DOCK5: variants seen among roughly 807,000 people sequenced by gnomAD.
DOCK5 encodes the protein dedicator of cytokinesis 5, also known as dedicator of cytokinesis protein 5.
A neutral mutation model predicts 251.8 loss-of-function variants in DOCK5; 142 were observed. The ratio of observed to expected loss-of-function variants is 0.56; its 90% confidence interval spans 0.49 to 0.65. The LOEUF is 0.65. DOCK5 is among the 30% of genes least tolerant of loss of function. The probability of loss-of-function intolerance (pLI) is 0.00; values close to 1 mark genes in which losing one functional copy is unlikely to be tolerated. For missense variants in DOCK5, 2,111 were observed against 2,312.3 expected, an observed-to-expected ratio of 0.91 and a Z score of 1.79; for synonymous variants, 842 against 835.5, an observed-to-expected ratio of 1.01 and a Z score of -0.13.
chr8:25,299,009 C>G lies in DOCK5; in HGVS notation c.672C>G (p.Leu224=). The change falls in exon 8 of 52, where the codon CTC becomes CTG. Residue 224 remains leucine (L), a synonymous_variant. Coordinates refer to ENST00000276440, the MANE Select transcript of DOCK5 (RefSeq NM_024940.8). ...TCAGTACCATCCACACCTATGGCCTCTATGTGAACTTCAAGAACTTTGTCT... is the reference window on the plus strand; with the variant it reads ...TCAGTACCATCCACACCTATGGCCTGTATGTGAACTTCAAGAACTTTGTCT... The part of the protein sequence containing the change: ...SIFSTIHTYG[L]YVNFKNFVCN... The G allele has an allele frequency of 6.2e-7, 1 of 1,613,916 alleles. No individual in the cohort carries two copies. The highest frequency in any genetic ancestry group is 8.5e-7 in the Non-Finnish European group (1 of 1,179,874).
chr8:25,246,944 T>C (rs567954539), intron 2 of DOCK5, among the ~76,000 whole-genome samples: 1 of 152,038 alleles, frequency 6.6e-6, no homozygotes, highest in Non-Finnish European at 1.5e-5. Context: ...TGGAGTACAG[T>C]AGTGTGATCA....
At chr8:25,354,670 C>T (rs559935922) in intron 27 of DOCK5, among the ~76,000 whole-genome samples, 1 of 152,268 alleles carries the variant, frequency 6.6e-6, no homozygotes, top group South Asian at 2.1e-4. Flanking sequence ...CAGACAGACA[C>T]AGACAGTCGC....
intron 1 of DOCK5, among the ~76,000 whole-genome samples, chr8:25,224,613 T>C (rs1802482203): frequency 6.6e-6 from 1 of 152,206 alleles, no homozygotes; most frequent in South Asian, 2.1e-4. Flanking sequence ...TCATTTAAAA[T>C]AGTTATGGTT....
intron 6 of DOCK5, among the ~76,000 whole-genome samples, chr8:25,294,424 G>A (rs184015834): frequency 2.8e-4 from 43 of 152,296 alleles, no homozygotes; most frequent in African/African-American, 1.0e-3. Context: ...GAGCGGTCTT[G>A]CTCTTTGGTA....
rs185047542 is a variant in DOCK5, at chr8:25,310,771, C to T, written c.1318+239C>T. On this transcript the variant is annotated intron_variant, in intron 13 of 51. Coordinates refer to ENST00000276440, the MANE Select transcript of DOCK5 (RefSeq NM_024940.8). ...TATCCTTACCATGAAGTCTTTTCCA[C>T]GTTTAAGACTATCTCCCCGAGAAAA... Among the ~76,000 whole-genome samples, 7 of 152,254 alleles carry T rather than the reference C, an allele frequency of 4.6e-5. No homozygotes were observed. The East Asian group carries it at 5.8e-4, about 13-fold the overall frequency.
chr8:25,299,442 A>G (rs1484740636), intron 8 of DOCK5: 3 of 218,652 alleles, frequency 1.4e-5, no homozygotes, highest in Admixed American at 5.6e-5. Context: ...AGTATTCTGT[A>G]TGATGCTATA....
At chr8:25,274,381 C>CA (rs1255990537) in intron 3 of DOCK5, among the ~76,000 whole-genome samples, 1 of 152,236 alleles carries the variant, frequency 6.6e-6, no homozygotes, top group African/African-American at 2.4e-5. Context: ...TACCATGAAA[C>CA]AGATCAGCAT....
chr8:25,370,424 A>G (rs1003748468), intron 34 of DOCK5, among the ~76,000 whole-genome samples: 5 of 152,226 alleles, frequency 3.3e-5, no homozygotes, highest in African/African-American at 1.2e-4. Context: ...ATGATGTGCT[A>G]ACATAGCATC....
At chr8:25,278,805 C>T (rs1586289051) in intron 5 of DOCK5, 140 bp downstream of exon 5, 2 of 767,632 alleles carry the variant, frequency 2.6e-6, no homozygotes, top group African/African-American at 1.7e-5. Flanking sequence ...GGCTGATAAG[C>T]AGCAGATTCT....
At chr8:25,195,516 C>T (rs73556393) in intron 1 of DOCK5, among the ~76,000 whole-genome samples, 21,800 of 152,046 alleles carry the variant, frequency 0.14, 2,545 homozygotes, top group African/African-American at 0.33. Flanking sequence ...TCAGACCTGC[C>T]GCCTCCCTCT....
At chr8:25,288,828 T>C (rs1804409966) in intron 5 of DOCK5, among the ~76,000 whole-genome samples, 1 of 152,250 alleles carries the variant, frequency 6.6e-6, no homozygotes, top group Non-Finnish European at 1.5e-5. Context: ...CTTTGCTTAT[T>C]AAAAATAGTA....
chr8:25,262,553 T>C (rs1455693135), intron 2 of DOCK5, among the ~76,000 whole-genome samples: 2 of 152,170 alleles, frequency 1.3e-5, no homozygotes, highest in African/African-American at 4.8e-5. Flanking sequence ...ATGTTATCAG[T>C]CATATATGTT....
At chr8:25,208,297 T>A (rs1360641648) in intron 1 of DOCK5, among the ~76,000 whole-genome samples, 1 of 152,206 alleles carries the variant, frequency 6.6e-6, no homozygotes, top group East Asian at 1.9e-4. Flanking sequence ...GACAAAGCAG[T>A]GGAAAGGTTT....
At chr8:25,352,469 G>A (rs567508124) in intron 27 of DOCK5, among the ~76,000 whole-genome samples, 3 of 152,016 alleles carry the variant, frequency 2.0e-5, no homozygotes, top group East Asian at 3.9e-4. Context: ...AACAGATGCC[G>A]GGTAACAACT....
At chr8:25,293,426 T>C (rs1298426246) in intron 6 of DOCK5, among the ~76,000 whole-genome samples, 1 of 152,238 alleles carries the variant, frequency 6.6e-6, no homozygotes. Context: ...ACATTTCATA[T>C]ACATTACTTG....
chr8:25,222,855 T>C (rs1802430379), intron 1 of DOCK5, among the ~76,000 whole-genome samples: 1 of 152,176 alleles, frequency 6.6e-6, no homozygotes, highest in Admixed American at 6.5e-5. Context: ...ATGTGAAATT[T>C]GCCAAAAGTG....
At position 25,390,260 on chromosome 8, in the gene DOCK5, A is replaced by G. The variant is rs1044430074; in HGVS notation, c.4328A>G (p.Asp1443Gly). Residue 1443 changes from aspartate (D) to glycine (G), a missense_variant, in exon 42 of 52, where the codon GAT becomes GGT. Physicochemically the swap from Asp to Gly is moderately conservative, Grantham distance 94. Coordinates refer to ENST00000276440, the MANE Select transcript of DOCK5 (RefSeq NM_024940.8). ...ATGAGCTTGCCGCCCAGCTACAAGG[A>G]TAAACCTGTTCCAGAGCAGATCTTA... Reference protein sequence around the residue: ...PVMSLPPSYKDKPVPEQILNY... With the variant: ...PVMSLPPSYKGKPVPEQILNY... The G allele has an allele frequency of 1.3e-6, 2 of 1,590,114 alleles. No individual in the cohort carries two copies. Among genetic ancestry groups the G allele is most frequent in the Non-Finnish European group, 1.7e-6 (2 of 1,167,698 alleles).
At chr8:25,319,301 G>A (rs1259991063) in intron 14 of DOCK5, among the ~76,000 whole-genome samples, 1 of 152,164 alleles carries the variant, frequency 6.6e-6, no homozygotes, top group Non-Finnish European at 1.5e-5. Context: ...ATGCATGCCT[G>A]GGGAGGGAAG....
At chr8:25,210,044 G>A (rs532563927) in intron 1 of DOCK5, among the ~76,000 whole-genome samples, 5,364 of 26,100 alleles carry the variant, frequency 0.21, 1,969 homozygotes, top group African/African-American at 0.41. Context: ...AAATGTGTGT[G>A]TGTGTGTGTG....
Sources: allele counts gnomAD v4.1 joint callset (sites outside exome capture counted in the v4.1 genomes callset), GRCh38; gene constraint gnomAD v4.1.1; transcripts MANE v1.5; gene names NCBI Gene and HGNC (gene_info 2026-07-23, HGNC 2026-07-21).